Variants in BCAS3 observed in about 807,000 individuals in gnomAD.
BCAS3 encodes the protein BCAS3 microtubule associated cell migration factor.
BCAS3 carries 53 observed loss-of-function variants against 116.1 expected under a neutral mutation model. That is an observed-to-expected ratio of 0.46 (90% CI 0.37 to 0.57). The LOEUF (loss-of-function observed/expected upper bound fraction) is 0.57, where lower values mean the gene tolerates loss of function less well. Among genes scored for constraint, BCAS3 ranks in the 20% least tolerant of loss-of-function variants. BCAS3 has a pLI of 0.00. For synonymous variants in BCAS3, 391 were observed against 408.2 expected (o/e 0.96, Z 0.51); for missense variants, 917 against 1,165.4 (o/e 0.79, Z 3.10).
intron 22 of BCAS3, among the ~76,000 whole-genome samples, chr17:61,335,407 G>T (rs1363386222): frequency 6.6e-6 from 1 of 152,206 alleles, no homozygotes; most frequent in African/African-American, 2.4e-5. Flanking sequence ...TCATCAAAGG[G>T]TCTGGGCCTT....
intron 7 of BCAS3, among the ~76,000 whole-genome samples, chr17:60,828,818 A>G (rs959611524): frequency 6.6e-6 from 1 of 152,194 alleles, no homozygotes; most frequent in Non-Finnish European, 1.5e-5. Context: ...CTACTGTTAA[A>G]TAATCCAGGA....
At chr17:60,837,652 CTTTTT>C (rs371521233) in intron 7 of BCAS3, among the ~76,000 whole-genome samples, 2 of 136,958 alleles carry the variant, frequency 1.5e-5, no homozygotes, top group Non-Finnish European at 3.2e-5. Context: ...TTTCACAATA[CTTTTT>C]TTTTTTTTTT....
intron 14 of BCAS3, among the ~76,000 whole-genome samples, chr17:60,988,184 G>A (rs1418518354): frequency 1.5e-5 from 2 of 132,444 alleles, no homozygotes; most frequent in African/African-American, 8.3e-5. Context: ...ACTTGGTTGT[G>A]ATTTTTTTTT....
chr17:60,966,733 A>G (rs980403026), intron 14 of BCAS3, among the ~76,000 whole-genome samples: 2 of 150,538 alleles, frequency 1.3e-5, no homozygotes, highest in African/African-American at 2.5e-5. Flanking sequence ...GCTCATTGCA[A>G]CCTCCGTCTC....
rs1015211914 is a variant in BCAS3 at position 60,975,436 on chromosome 17, A to G, written c.1222-14535A>G. ...ACAGCAAAGGCATCTCTAAGAACTA[A>G]GGGGGCTATTAAAAGAAACCACAAA... On this transcript the variant is annotated intron_variant, in intron 14 of 23. Coordinates refer to ENST00000407086, the MANE Select transcript of BCAS3 (RefSeq NM_017679.5). 2.4e-4 allele frequency among the ~76,000 whole-genome samples: 37 copies of G among 152,192 alleles called. 1 individual carries two copies. The highest frequency in any genetic ancestry group is 3.8e-4 in the East Asian group (2 of 5,196).
intron 22 of BCAS3, among the ~76,000 whole-genome samples, chr17:61,320,136 C>T (rs1304779185): frequency 2.6e-5 from 4 of 151,662 alleles, no homozygotes; most frequent in Non-Finnish European, 4.4e-5. Flanking sequence ...GTGATCCTCC[C>T]GCCTCGGCCT....
At chr17:60,853,857 G>A (rs552215638) in intron 7 of BCAS3, among the ~76,000 whole-genome samples, 1 of 150,874 alleles carries the variant, frequency 6.6e-6, no homozygotes, top group East Asian at 1.9e-4. Flanking sequence ...CCTTTTTATT[G>A]CTGAATAATA....
intron 6 of BCAS3, among the ~76,000 whole-genome samples, chr17:60,748,625 C>T (rs1047950875): frequency 4.6e-5 from 7 of 152,114 alleles, no homozygotes; most frequent in African/African-American, 7.2e-5. Flanking sequence ...AATTCACAGA[C>T]GCAGATTTTT....
rs113547904 is a variant in BCAS3 at position 61,109,283 on chromosome 17, TTGTG to T, written c.2425+24749_2425+24752del. Among the ~76,000 whole-genome samples the T allele has an allele frequency of 4.2e-3, 617 of 145,388 alleles. 1 individual carries two copies. The highest frequency in any genetic ancestry group is 0.012 in the African/African-American group (477 of 39,750). ...TTGTTACGGCCGAGTAGTATTCCAT[TTGTG>T]TGTGTGTGTGTGTGTGTGTGTGTGT... On this transcript the variant is annotated intron_variant, in intron 22 of 23. Transcript: ENST00000407086.
intron 22 of BCAS3, among the ~76,000 whole-genome samples, chr17:61,210,293 G>C (rs1421707354): frequency 6.6e-6 from 1 of 152,148 alleles, no homozygotes; most frequent in Non-Finnish European, 1.5e-5. Context: ...ATCTCCTGAG[G>C]GGTGAAGTAA....
intron 14 of BCAS3, among the ~76,000 whole-genome samples, chr17:60,958,198 G>C (rs2061239251): frequency 6.6e-6 from 1 of 152,194 alleles, no homozygotes; most frequent in South Asian, 2.1e-4. Flanking sequence ...CACTGGACCA[G>C]AGACATGGGA....
intron 4 of BCAS3, among the ~76,000 whole-genome samples, chr17:60,703,007 G>A (rs139934568): frequency 2.0e-5 from 3 of 152,194 alleles, no homozygotes; most frequent in Non-Finnish European, 4.4e-5. Flanking sequence ...GGGCGCGGTG[G>A]CTCATGGCTG....
intron 22 of BCAS3, among the ~76,000 whole-genome samples, chr17:61,341,276 C>T (rs976863757): frequency 3.0e-4 from 46 of 152,292 alleles, no homozygotes; most frequent in African/African-American, 1.0e-3. Context: ...GCAAAAAGAA[C>T]ATCAGCTCCC....
intron 22 of BCAS3, among the ~76,000 whole-genome samples, chr17:61,330,265 T>C (rs1342943759): frequency 2.2e-5 from 3 of 139,484 alleles, no homozygotes; most frequent in African/African-American, 7.7e-5. Context: ...CTTCCTTTCT[T>C]TCTCTCTTGA....
chr17:61,107,222 G>A (rs1055454018), intron 22 of BCAS3, among the ~76,000 whole-genome samples: 9 of 151,930 alleles, frequency 5.9e-5, no homozygotes, highest in Non-Finnish European at 1.0e-4. Context: ...GAGTAGCTGG[G>A]ATTACAGGTG....
intron 22 of BCAS3, among the ~76,000 whole-genome samples, chr17:61,164,023 A>C (rs545046286): frequency 2.0e-5 from 3 of 148,686 alleles, no homozygotes; most frequent in East Asian, 2.0e-4. Flanking sequence ...AAAAAAAAAA[A>C]CCTCAAATAA....
chr17:61,009,058 C>T (rs1330739836), intron 15 of BCAS3, among the ~76,000 whole-genome samples: 1 of 151,902 alleles, frequency 6.6e-6, no homozygotes, highest in Non-Finnish European at 1.5e-5. Context: ...TTAATACAGT[C>T]GTAGGAGTCT....
chr17:60,896,614 T>G (rs1334313767), intron 10 of BCAS3, among the ~76,000 whole-genome samples: 1 of 151,704 alleles, frequency 6.6e-6, no homozygotes. Context: ...GACTTTAGAG[T>G]CTGTTTTATC....
In BCAS3 at chr17:60,823,239, G is replaced by C. The variant is rs114856032; in HGVS notation, c.476+15163G>C. On this transcript the variant is annotated intron_variant, in intron 7 of 23. Coordinates refer to ENST00000407086, the MANE Select transcript of BCAS3 (RefSeq NM_017679.5). Reference sequence around the variant, plus strand: ...GTTTGCCATGTTTCCCTGTGTTTTGGAGCACCCTTGATTTTAGTTTTTATT... The same window carrying C: ...GTTTGCCATGTTTCCCTGTGTTTTGCAGCACCCTTGATTTTAGTTTTTATT... 3.8e-3 allele frequency among the ~76,000 whole-genome samples: 576 copies of C among 152,188 alleles called. 3 individuals are homozygous for C. The highest frequency in any genetic ancestry group is 0.013 in the African/African-American group (560 of 41,534).
Sources: allele counts gnomAD v4.1 joint callset (sites outside exome capture counted in the v4.1 genomes callset), GRCh38; gene constraint gnomAD v4.1.1; transcripts MANE v1.5; gene names NCBI Gene and HGNC (gene_info 2026-07-23, HGNC 2026-07-21).